The following GRIN2A variants were observed in gnomAD, a reference collection of about 807,000 sequenced individuals.
The protein encoded by GRIN2A is glutamate receptor ionotropic, NMDA 2A.
GRIN2A carries 22 observed loss-of-function variants against 113.4 expected under a neutral mutation model. That is an observed-to-expected ratio of 0.19 (90% CI 0.14 to 0.28). The LOEUF (loss-of-function observed/expected upper bound fraction) is 0.28. Ranked by LOEUF, GRIN2A falls within the 10% of genes least tolerant of loss-of-function variation. GRIN2A has a pLI of 1.00. For missense variants in GRIN2A, 1,502 were observed against 1,887.0 expected (o/e 0.80, Z 3.78); for synonymous variants, 827 against 738.4 (o/e 1.12, Z -1.94).
At chr16:9,962,473 A>G (rs545274937) in intron 2 of GRIN2A, among the ~76,000 whole-genome samples, 120 of 152,350 alleles carry the variant, frequency 7.9e-4, no homozygotes, top group African/African-American at 2.8e-3. Flanking sequence ...GACACTTCTC[A>G]AAACAAGACA....
rs569112763 is a variant in GRIN2A at position 10,063,619 on chromosome 16, G to A, written c.414+116379C>T. On this transcript the variant is annotated intron_variant, in intron 2 of 12. Transcript: ENST00000330684. ...CTGAATCCAATTGATTTAGTATCCC[G>A]TGAATATTTGTTGAATGAATAAATA... Among the ~76,000 whole-genome samples, 107 of 152,200 alleles carry A rather than the reference G, an allele frequency of 7.0e-4. 1 individual carries two copies. The highest frequency in any genetic ancestry group is 3.6e-3 in the Admixed American group (55 of 15,298).
intron 5 of GRIN2A, among the ~76,000 whole-genome samples, chr16:9,849,163 T>C (rs924316160): frequency 7.4e-6 from 1 of 135,522 alleles, no homozygotes; most frequent in East Asian, 2.0e-4. Flanking sequence ...TTTAAATATA[T>C]AAAATATACT....
intron 4 of GRIN2A, among the ~76,000 whole-genome samples, chr16:9,863,552 C>T (rs996572773): frequency 1.2e-4 from 18 of 152,182 alleles, no homozygotes; most frequent in Non-Finnish European, 2.1e-4. Flanking sequence ...GCTACCAACA[C>T]GGACATCCAA....
intron 2 of GRIN2A, among the ~76,000 whole-genome samples, chr16:9,989,008 C>A (rs1483064317): frequency 6.6e-6 from 1 of 152,142 alleles, no homozygotes; most frequent in Non-Finnish European, 1.5e-5. Flanking sequence ...TGATACGTGA[C>A]CTGATAAGAC....
chr16:9,938,333 C>T lies in GRIN2A; in HGVS notation c.633G>A (p.Glu211=), dbSNP rs771580780. The change falls in exon 3 of 13, where the codon GAG becomes GAA. Residue 211 remains glutamate, a synonymous_variant. Coordinates refer to ENST00000330684, the MANE Select transcript of GRIN2A (RefSeq NM_001134407.3). ...TCAGCTGGACTTGTGTCTTTGCATC[C>T]TCAAAGGAAGTGTCCAGTGTGATCA... The part of the protein sequence containing the change: ...QNVITLDTSF[E]DAKTQVQLKK... 11 of 1,613,856 alleles carry T rather than the reference C, an allele frequency of 6.8e-6. No homozygotes were observed. Among genetic ancestry groups the T allele is most frequent in the Non-Finnish European group, 9.3e-6 (11 of 1,179,890 alleles).
chr16:10,021,269 T>C (rs1303701110), intron 2 of GRIN2A, among the ~76,000 whole-genome samples: 1 of 152,172 alleles, frequency 6.6e-6, no homozygotes, highest in Non-Finnish European at 1.5e-5. Flanking sequence ...ATTCAACACA[T>C]ATTTATTGAA....
At chr16:9,934,517 C>T (rs1044195872) in intron 3 of GRIN2A, among the ~76,000 whole-genome samples, 22 of 151,748 alleles carry the variant, frequency 1.4e-4, no homozygotes, top group African/African-American at 5.3e-4. Context: ...CTCGTCTCTA[C>T]TAAAAATACA....
chr16:10,023,293 A>C (rs1241884728), intron 2 of GRIN2A, among the ~76,000 whole-genome samples: 3 of 152,250 alleles, frequency 2.0e-5, no homozygotes, highest in Admixed American at 6.5e-5. Context: ...AGGGCTCTAT[A>C]AACAACAGAC....
chr16:9,938,775 T>C (rs2044783322), intron 2 of GRIN2A, among the ~76,000 whole-genome samples: 1 of 152,162 alleles, frequency 6.6e-6, no homozygotes, highest in Non-Finnish European at 1.5e-5. Flanking sequence ...AGGATGTCTG[T>C]AATTATTGCT....
intron 3 of GRIN2A, among the ~76,000 whole-genome samples, chr16:9,918,696 C>G (rs1430591984): frequency 6.6e-6 from 1 of 152,116 alleles, no homozygotes; most frequent in African/African-American, 2.4e-5. Flanking sequence ...CTTAAAATGT[C>G]ACTTTGTTAA....
chr16:9,851,385 G>T (rs1399264217), intron 4 of GRIN2A, among the ~76,000 whole-genome samples: 1 of 152,146 alleles, frequency 6.6e-6, no homozygotes, highest in Non-Finnish European at 1.5e-5. Flanking sequence ...GGAGAATGCT[G>T]AGCGCATCAA....
chr16:9,989,927 G>C (rs1424042787), intron 2 of GRIN2A, among the ~76,000 whole-genome samples: 1 of 152,198 alleles, frequency 6.6e-6, no homozygotes, highest in East Asian at 1.9e-4. Flanking sequence ...TTTATACACT[G>C]CTGGTGGGAA....
chr16:10,107,748 C>T (rs942112897), intron 2 of GRIN2A, among the ~76,000 whole-genome samples: 7 of 152,214 alleles, frequency 4.6e-5, no homozygotes, highest in Non-Finnish European at 1.0e-4. Flanking sequence ...TTGAAGCCAT[C>T]GTTGCCCTGC....
At position 10,180,641 on chromosome 16, in the gene GRIN2A, C is replaced by A; in HGVS notation, c.-18-212G>T. On this transcript the variant is annotated intron_variant, in intron 1 of 12. Coordinates refer to ENST00000330684, the MANE Select transcript of GRIN2A (RefSeq NM_001134407.3). The surrounding 1 kb of genome is among the most constrained non-coding windows in gnomAD (Gnocchi z 7.0). ...TCCACAACTCCAATTCGAGCTAATTCTCCATCCCCCAGCCCCTTCTCGCAT... is the reference window on the plus strand; with the variant it reads ...TCCACAACTCCAATTCGAGCTAATTATCCATCCCCCAGCCCCTTCTCGCAT... 1 of 782,010 alleles carries A rather than the reference C, an allele frequency of 1.3e-6. No individual in the cohort carries two copies. Among genetic ancestry groups the A allele is most frequent in the Non-Finnish European group, 2.0e-6 (1 of 502,664 alleles). The allele number at this position is 782,010 out of a possible 1,614,324, so 48.4% of individuals were successfully genotyped here. A position where few individuals can be genotyped will look rare whatever the true frequency, so the allele number is the denominator to read the frequency against.
intron 2 of GRIN2A, among the ~76,000 whole-genome samples, chr16:10,028,940 T>G (rs1177313668): frequency 6.6e-6 from 1 of 152,232 alleles, no homozygotes; most frequent in East Asian, 1.9e-4. Context: ...ATTAAAATTT[T>G]GCAGGAATTA....
At chr16:10,167,911 G>T (rs1596572918) in intron 2 of GRIN2A, among the ~76,000 whole-genome samples, 1 of 152,324 alleles carries the variant, frequency 6.6e-6, no homozygotes, top group African/African-American at 2.4e-5. Context: ...ATAAGCAGAT[G>T]TTCCAAATGC....
At chr16:9,800,718 G>C (rs1596430064) in intron 10 of GRIN2A, among the ~76,000 whole-genome samples, 1 of 152,052 alleles carries the variant, frequency 6.6e-6, no homozygotes, top group Non-Finnish European at 1.5e-5. Flanking sequence ...TAGGCTCTGA[G>C]AGTATTAAAG....
intron 9 of GRIN2A, among the ~76,000 whole-genome samples, chr16:9,824,638 C>T (rs2042352795): frequency 6.6e-6 from 1 of 152,154 alleles, no homozygotes; most frequent in African/African-American, 2.4e-5. Context: ...CACCAAGCTC[C>T]AGGAACCTTT....
At chr16:10,159,875 G>C (rs1486918836) in intron 2 of GRIN2A, among the ~76,000 whole-genome samples, 1 of 152,154 alleles carries the variant, frequency 6.6e-6, no homozygotes, top group African/African-American at 2.4e-5. Context: ...CCCAAAGAAG[G>C]CCAGATATTA....
Sources: allele counts gnomAD v4.1 joint callset (sites outside exome capture counted in the v4.1 genomes callset), GRCh38; gene constraint gnomAD v4.1.1; non-coding constraint Gnocchi (gnomAD v3.1); transcripts MANE v1.5; gene names NCBI Gene and HGNC (gene_info 2026-07-23, HGNC 2026-07-21).